DACH1: variants seen among roughly 807,000 people sequenced by gnomAD.
The protein encoded by DACH1 is dachshund family transcription factor 1.
In DACH1, 12 loss-of-function variants were observed where a neutral mutation model predicts 54.2. That is an observed-to-expected ratio of 0.22 (90% CI 0.14 to 0.36). DACH1 has a LOEUF of 0.36. Ranked by LOEUF, DACH1 falls within the 10% of genes least tolerant of loss-of-function variation. The pLI is 1.00. For synonymous variants in DACH1, 386 were observed against 366.2 expected, an observed-to-expected ratio of 1.05 and a Z score of -0.62; for missense variants, 805 against 929.8, an observed-to-expected ratio of 0.87 and a Z score of 1.75.
Position 71,475,791 on chromosome 13 carries a change from T to C in DACH1, c.1929A>G (p.Ala643=). 6 of 1,613,780 alleles carry C rather than the reference T, an allele frequency of 3.7e-6. No individual in the cohort carries two copies. The highest frequency in any genetic ancestry group is 5.1e-6 in the Non-Finnish European group (6 of 1,179,880). The part of the protein sequence containing the change: ...EKKAKRKLQE[A]LEFETKRREQ... Reference sequence around the variant, plus strand: ...CACGCCGTTTCGTCTCAAACTCAAGTGCTTCCTGCAATTTTCTCTTTGCCT... The same window carrying C: ...CACGCCGTTTCGTCTCAAACTCAAGCGCTTCCTGCAATTTTCTCTTTGCCT... Residue 643 remains alanine (A), a synonymous_variant, in exon 9 of 11, where the codon GCA becomes GCG. Coordinates refer to ENST00000613252, the MANE Select transcript of DACH1 (RefSeq NM_080759.6).
chr13:71,462,960 T>C (rs1489652953), intron 10 of DACH1, among the ~76,000 whole-genome samples: 1 of 151,784 alleles, frequency 6.6e-6, no homozygotes, highest in Non-Finnish European at 1.5e-5. Context: ...TGTTTGTGTG[T>C]CTATACTCAG....
rs113563751 is a variant in DACH1 at position 71,842,730 on chromosome 13, AAG to A, written c.848+23190_848+23191del. Among the ~76,000 whole-genome samples the A allele has an allele frequency of 5.1e-4, 70 of 137,316 alleles. No individual in the cohort carries two copies. The East Asian group carries it at 6.0e-3, about 12-fold the overall frequency. 90.1% of individuals were successfully genotyped at this position (137,316 alleles called of 152,430 possible). ...TGGTGGAGGTTAGAAGAAAAAAAAA[AAG>A]AAGATATTTAAATACTCACCTATTA... On this transcript the variant is annotated intron_variant, in intron 1 of 10. Coordinates refer to ENST00000613252, the MANE Select transcript of DACH1 (RefSeq NM_080759.6).
intron 3 of DACH1, among the ~76,000 whole-genome samples, chr13:71,614,288 G>A (rs953952080): frequency 6.6e-6 from 1 of 152,020 alleles, no homozygotes; most frequent in Non-Finnish European, 1.5e-5. Context: ...AGAATTCACG[G>A]GTAGTTGACC....
intron 1 of DACH1, among the ~76,000 whole-genome samples, chr13:71,722,579 ATG>A (rs1192332443): frequency 1.3e-5 from 2 of 152,180 alleles, no homozygotes; most frequent in Admixed American, 1.3e-4. Context: ...AAAAATCTGT[ATG>A]CATTTAAAAT....
chr13:71,801,296 C>G (rs1311167795), intron 1 of DACH1, among the ~76,000 whole-genome samples: 1 of 152,060 alleles, frequency 6.6e-6, no homozygotes, highest in African/African-American at 2.4e-5. Context: ...CCAGAAATGT[C>G]AGAGTTTAGT....
intron 2 of DACH1, among the ~76,000 whole-genome samples, chr13:71,652,712 T>C (rs1878769703): frequency 6.6e-6 from 1 of 152,146 alleles, no homozygotes; most frequent in South Asian, 2.1e-4. Context: ...ATCTCAACTA[T>C]AGCTATACTG....
chr13:71,715,936 T>C (rs182891838), intron 1 of DACH1, among the ~76,000 whole-genome samples: 1 of 152,230 alleles, frequency 6.6e-6, no homozygotes, highest in Admixed American at 6.5e-5. Flanking sequence ...CTCTTGAGTT[T>C]GAAATCTATC....
At chr13:71,666,322 A>G (rs1052867139) in intron 2 of DACH1, among the ~76,000 whole-genome samples, 2 of 152,204 alleles carry the variant, frequency 1.3e-5, no homozygotes, top group African/African-American at 4.8e-5. Context: ...TACTATGTAG[A>G]TAAGCTCAAG....
chr13:71,570,857 T>C (rs1370069177), intron 4 of DACH1, among the ~76,000 whole-genome samples: 1 of 152,176 alleles, frequency 6.6e-6, no homozygotes, highest in Non-Finnish European at 1.5e-5. Flanking sequence ...ATCTAAACTC[T>C]GACAACCAAG....
At chr13:71,486,182 T>C (rs926757408) in intron 7 of DACH1, among the ~76,000 whole-genome samples, 13 of 151,902 alleles carry the variant, frequency 8.6e-5, no homozygotes, top group Admixed American at 7.2e-4. Flanking sequence ...AAATTATTGA[T>C]CATTAGAACA....
chr13:71,718,708 C>T (rs1883098167), intron 1 of DACH1, among the ~76,000 whole-genome samples: 1 of 152,074 alleles, frequency 6.6e-6, no homozygotes, highest in Non-Finnish European at 1.5e-5. Context: ...CAGGCTTTAG[C>T]TCACCCACTG....
At chr13:71,758,634 A>G (rs1885270121) in intron 1 of DACH1, among the ~76,000 whole-genome samples, 1 of 152,190 alleles carries the variant, frequency 6.6e-6, no homozygotes, top group African/African-American at 2.4e-5. Context: ...ACTTAATCAA[A>G]ATACAGCATC....
chr13:71,474,984 T>C (rs558431261), intron 10 of DACH1, among the ~76,000 whole-genome samples, 157 bp downstream of exon 10: 1 of 152,308 alleles, frequency 6.6e-6, no homozygotes, highest in African/African-American at 2.4e-5. Context: ...CAGCACAAAA[T>C]GAATTCACTC....
chr13:71,665,969 AATGAT>A (rs1335435825), intron 2 of DACH1, among the ~76,000 whole-genome samples: 3 of 152,128 alleles, frequency 2.0e-5, no homozygotes, highest in Non-Finnish European at 2.9e-5. Flanking sequence ...AAATAAATGA[AATGAT>A]ATATTAGCTA....
chr13:71,617,391 GGTTATTGACTAAATGTAAT>G (rs1454214989), intron 3 of DACH1, among the ~76,000 whole-genome samples: 2 of 151,884 alleles, frequency 1.3e-5, no homozygotes, highest in Non-Finnish European at 2.9e-5. Context: ...CAGAATTCCT[GGTTATTGACTAAATGTAAT>G]ACTGCCTGCA....
intron 1 of DACH1, among the ~76,000 whole-genome samples, chr13:71,796,188 T>G (rs1209691532): frequency 6.6e-6 from 1 of 152,168 alleles, no homozygotes; most frequent in Non-Finnish European, 1.5e-5. Flanking sequence ...TATTATTTTC[T>G]TCATGAAAAA....
chr13:71,791,717 T>G (rs559506321), intron 1 of DACH1, among the ~76,000 whole-genome samples: 1 of 152,264 alleles, frequency 6.6e-6, no homozygotes, highest in South Asian at 2.1e-4. Flanking sequence ...GTACTAACCT[T>G]CCAAGTGAAT....
intron 3 of DACH1, among the ~76,000 whole-genome samples, chr13:71,615,983 T>C (rs1340278409): frequency 1.3e-5 from 2 of 152,180 alleles, no homozygotes; most frequent in Admixed American, 6.5e-5. Context: ...CAAATTGTTA[T>C]ACCTATTATA....
intron 2 of DACH1, among the ~76,000 whole-genome samples, chr13:71,673,241 T>C (rs975072998): frequency 6.6e-6 from 1 of 152,104 alleles, no homozygotes; most frequent in Non-Finnish European, 1.5e-5. Context: ...AGATCATTGC[T>C]CTAAGAGATA....
Sources: allele counts gnomAD v4.1 joint callset (sites outside exome capture counted in the v4.1 genomes callset), GRCh38; gene constraint gnomAD v4.1.1; transcripts MANE v1.5; gene names NCBI Gene and HGNC (gene_info 2026-07-23, HGNC 2026-07-21).